The following MTMR12 variants were observed in gnomAD, a reference collection of about 807,000 sequenced individuals.
MTMR12 encodes myotubularin related protein 12, also known as myotubularin-related protein 12.
Under a neutral mutation model 96.7 loss-of-function variants are expected in MTMR12, and 33 were observed. The observed-to-expected ratio is 0.34, with a 90% CI of 0.26 to 0.46. The LOEUF is 0.46. MTMR12 is among the 20% of genes least tolerant of loss of function. MTMR12 has a pLI of 1.00. For missense variants in MTMR12, 721 were observed against 896.1 expected, an observed-to-expected ratio of 0.80 and a Z score of 2.49; for synonymous variants, 298 against 327.2, an observed-to-expected ratio of 0.91 and a Z score of 0.96.
chr5:32,276,982 T>G (rs552446030), intron 1 of MTMR12, among the ~76,000 whole-genome samples: 5 of 142,184 alleles, frequency 3.5e-5, no homozygotes, highest in African/African-American at 1.3e-4. Flanking sequence ...GCCTCCCAGG[T>G]TCAAGTGATT....
intron 1 of MTMR12, among the ~76,000 whole-genome samples, chr5:32,295,431 G>A (rs560146563): frequency 1.1e-4 from 16 of 152,146 alleles, no homozygotes; most frequent in East Asian, 1.9e-4. Context: ...CTGTTTACGC[G>A]TTATGCAAAT....
At chr5:32,283,763 C>A (rs920865620) in intron 1 of MTMR12, among the ~76,000 whole-genome samples, 10 of 152,162 alleles carry the variant, frequency 6.6e-5, no homozygotes, top group African/African-American at 9.7e-5. Flanking sequence ...AAAGGGAAAA[C>A]AACAACAAAA....
chr5:32,261,617 A>T (rs1749361616), intron 7 of MTMR12, among the ~76,000 whole-genome samples: 1 of 152,108 alleles, frequency 6.6e-6, no homozygotes, highest in Non-Finnish European at 1.5e-5. Flanking sequence ...TTACTTCTTT[A>T]TTCTACCATC....
intron 7 of MTMR12, 81 bp from the exon 8 acceptor site, chr5:32,255,849 G>A: frequency 2.5e-6 from 3 of 1,223,660 alleles, no homozygotes; most frequent in Non-Finnish European, 3.5e-6. Context: ...TGGATACGAT[G>A]AATACAAGCA....
chr5:32,229,706 G>A lies in MTMR12; in HGVS notation c.*72C>T, dbSNP rs1747911171. On this transcript the variant is annotated 3_prime_UTR_variant, in exon 16 of 16. Transcript: ENST00000382142. ...AAGGACCCAGCCAGCATGAGCTGTA[G>A]CGTGACACAAATCCAGGGATCAGCT... The A allele has an allele frequency of 7.0e-7, 1 of 1,430,224 alleles. No individual in the cohort carries two copies. The highest frequency in any genetic ancestry group is 9.3e-7 in the Non-Finnish European group (1 of 1,075,028). 88.6% of individuals were successfully genotyped at this position (1,430,224 alleles called of 1,614,324 possible).
chr5:32,249,112 C>G (rs1393619497), intron 8 of MTMR12, among the ~76,000 whole-genome samples: 2 of 152,116 alleles, frequency 1.3e-5, no homozygotes, highest in Non-Finnish European at 2.9e-5. Flanking sequence ...TAACATATAC[C>G]TTTTGACTTA....
In MTMR12 at chr5:32,270,178, CG is replaced by C. The variant is rs1181649540; in HGVS notation, c.489+638del. On this transcript the variant is annotated intron_variant, in intron 5 of 15. Transcript: ENST00000382142. ...ATCTTGGATACCACTGGACTTCAGC[CG>C]GGGTGACAGAGTGAGACTCGGTCTC... Among the ~76,000 whole-genome samples the C allele has an allele frequency of 2.0e-5, 3 of 151,350 alleles. No individual in the cohort carries two copies. The East Asian group carries it at 5.8e-4, about 29-fold the overall frequency.
intron 6 of MTMR12, among the ~76,000 whole-genome samples, chr5:32,265,840 G>C (rs886322424): frequency 1.3e-5 from 2 of 152,146 alleles, no homozygotes; most frequent in African/African-American, 4.8e-5. Flanking sequence ...ACTTATTGCT[G>C]CTATTTTTAA....
At position 32,311,510 on chromosome 5, in the gene MTMR12, T is replaced by A. The variant is rs373028052; in HGVS notation, c.81+1248A>T. Among the ~76,000 whole-genome samples the A allele has an allele frequency of 4.6e-5, 7 of 152,342 alleles. No individual in the cohort carries two copies. The South Asian group carries it at 6.2e-4, about 14-fold the overall frequency. ...TCAGATCTCTCATCCACAGCCCACGTGCTTCTGCATTACAGAGGTGGGAAG... is the reference window on the plus strand; with the variant it reads ...TCAGATCTCTCATCCACAGCCCACGAGCTTCTGCATTACAGAGGTGGGAAG... On this transcript the variant is annotated intron_variant, in intron 1 of 15. Coordinates refer to ENST00000382142, the MANE Select transcript of MTMR12 (RefSeq NM_001040446.3).
chr5:32,248,026 TAG>T lies in MTMR12; in HGVS notation c.995_996del (p.Ser332Ter). ...LSLQEIQTAY[S>X]KFKQLFLIDN... is the part of the protein sequence containing the mutation. ...CCTATCAGAAATAGCTGTTTAAATT[TAG>T]AGTATGCAGTCTGGATTTCCTGCAG... On this transcript the variant is annotated frameshift_variant, in exon 10 of 16. Transcript: ENST00000382142. LOFTEE classifies it high-confidence loss of function. The T allele has an allele frequency of 6.2e-7, 1 of 1,614,054 alleles. No individual in the cohort carries two copies. The highest frequency in any genetic ancestry group is 8.5e-7 in the Non-Finnish European group (1 of 1,179,942).
intron 8 of MTMR12, among the ~76,000 whole-genome samples, chr5:32,254,287 T>G (rs567648280): frequency 9.2e-5 from 14 of 152,320 alleles, no homozygotes; most frequent in Non-Finnish European, 1.8e-4. Context: ...ATATAATTTG[T>G]CATATGTACC....
intron 1 of MTMR12, among the ~76,000 whole-genome samples, chr5:32,290,274 C>A (rs536504831): frequency 2.8e-4 from 43 of 152,222 alleles, no homozygotes; most frequent in African/African-American, 9.7e-4. Context: ...AGACCTTGAT[C>A]GCTTTTTGCT....
At chr5:32,254,614 G>A (rs1045203466) in intron 8 of MTMR12, among the ~76,000 whole-genome samples, 1 of 152,038 alleles carries the variant, frequency 6.6e-6, no homozygotes, top group African/African-American at 2.4e-5. Context: ...AGGCCGAGGC[G>A]GGTGGATCAC....
intron 6 of MTMR12, among the ~76,000 whole-genome samples, chr5:32,264,992 G>A (rs1749535418): frequency 6.6e-6 from 1 of 151,472 alleles, no homozygotes; most frequent in Non-Finnish European, 1.5e-5. Flanking sequence ...AAATCCCCAT[G>A]GATATAAGGT....
At chr5:32,278,010 G>A (rs991175196) in intron 1 of MTMR12, among the ~76,000 whole-genome samples, 1 of 152,206 alleles carries the variant, frequency 6.6e-6, no homozygotes, top group Non-Finnish European at 1.5e-5. Context: ...GCCAGTTTCT[G>A]GGTCACTGCT....
In MTMR12 at chr5:32,312,780, A is replaced by G; in HGVS notation, c.59T>C (p.Phe20Ser). 1 of 1,532,222 alleles carries G rather than the reference A, an allele frequency of 6.5e-7. No individual in the cohort carries two copies. The highest frequency in any genetic ancestry group is 8.8e-7 in the Non-Finnish European group (1 of 1,142,664). The allele number at this position is 1,532,222 out of a possible 1,614,324, so 94.9% of individuals were successfully genotyped here. Reference sequence around the variant, plus strand: ...CACCTCAGGGCGTACGTACGACACGAAGGAGGGCTTGGGGGCCTTGGTGCC... The same window carrying G: ...CACCTCAGGGCGTACGTACGACACGGAGGAGGGCTTGGGGGCCTTGGTGCC... ...GGGTKAPKPSFVSYVRPEEIH... is the reference protein window; with the variant it reads ...GGGTKAPKPSSVSYVRPEEIH... The change falls in exon 1 of 16, where the codon TTC becomes TCC. Residue 20 changes from phenylalanine to serine, a missense_variant. Coordinates refer to ENST00000382142, the MANE Select transcript of MTMR12 (RefSeq NM_001040446.3). This position sits in a 1 kb window ranked among gnomAD's most constrained non-coding sequence, Gnocchi z 5.0.
At chr5:32,307,245 T>C (rs1751398745) in intron 1 of MTMR12, among the ~76,000 whole-genome samples, 1 of 152,186 alleles carries the variant, frequency 6.6e-6, no homozygotes, top group South Asian at 2.1e-4. Flanking sequence ...GCTTATGGCT[T>C]CTGAAATAAT....
chr5:32,289,683 C>A (rs530018321), intron 1 of MTMR12, among the ~76,000 whole-genome samples: 3 of 152,210 alleles, frequency 2.0e-5, no homozygotes, highest in African/African-American at 7.2e-5. Context: ...GTCCAGTGGG[C>A]CCCCAGACTC....
In MTMR12 at chr5:32,241,028, G is replaced by C. The variant is rs551830408; in HGVS notation, c.1171+1029C>G. ...AGACAATTCAGTAGTCCATCCAGGA[G>C]TGAAGGATTTCTCAGTTCTATCAGT... On this transcript the variant is annotated intron_variant, in intron 12 of 15. Coordinates refer to ENST00000382142, the MANE Select transcript of MTMR12 (RefSeq NM_001040446.3). Among the ~76,000 whole-genome samples, 69 of 152,356 alleles carry C rather than the reference G, an allele frequency of 4.5e-4. 1 individual carries two copies. The East Asian group carries it at 9.8e-3, about 22-fold the overall frequency.
Sources: gnomAD v4.1 joint callset for allele counts (sites outside exome capture counted in the v4.1 genomes callset) on GRCh38, gnomAD v4.1.1 for gene constraint, Gnocchi (gnomAD v3.1) non-coding constraint, MANE v1.5 for transcripts, NCBI Gene and HGNC (gene_info 2026-07-23, HGNC 2026-07-21) for gene names.